The following FRMD4B variants were observed in gnomAD, a reference collection of about 807,000 sequenced individuals.
The protein encoded by FRMD4B is FERM domain-containing protein 4B.
Under a neutral mutation model 141.5 loss-of-function variants are expected in FRMD4B, and 74 were observed. The observed-to-expected ratio is 0.52, with a 90% confidence interval of 0.43 to 0.63. The LOEUF (loss-of-function observed/expected upper bound fraction) is 0.63. Among genes scored for constraint, FRMD4B ranks in the 30% least tolerant of loss-of-function variants. The probability of loss-of-function intolerance (pLI) is 0.00; values close to 1 mark genes in which losing one functional copy is unlikely to be tolerated. For missense variants in FRMD4B, 1,366 were observed against 1,253.4 expected, an observed-to-expected ratio of 1.09 and a Z score of -1.36; for synonymous variants, 506 against 467.9, an observed-to-expected ratio of 1.08 and a Z score of -1.05.
chr3:69,346,061 C>T (rs754904814), intron 1 of FRMD4B, among the ~76,000 whole-genome samples: 24 of 151,976 alleles, frequency 1.6e-4, no homozygotes, highest in Non-Finnish European at 2.4e-4. Context: ...TTGAACCCAT[C>T]GCAAAGAAGC....
intron 4 of FRMD4B, among the ~76,000 whole-genome samples, chr3:69,300,880 T>C (rs1575706980): frequency 6.6e-6 from 1 of 152,080 alleles, no homozygotes; most frequent in African/African-American, 2.4e-5. Flanking sequence ...GGATTACAGA[T>C]GCCCACCACC....
chr3:69,459,622 G>A (rs1193715322), intron 1 of FRMD4B, among the ~76,000 whole-genome samples: 1 of 152,132 alleles, frequency 6.6e-6, no homozygotes, highest in East Asian at 1.9e-4. Flanking sequence ...TTGAAATCTT[G>A]GCTTCACCAT....
At chr3:69,499,883 C>T (rs145477602) in intron 1 of FRMD4B, among the ~76,000 whole-genome samples, 14 of 152,330 alleles carry the variant, frequency 9.2e-5, no homozygotes, top group Admixed American at 3.3e-4. Flanking sequence ...CTGGCCTCTC[C>T]GGCCTTCCTG....
chr3:69,442,747 T>C (rs914767550), intron 1 of FRMD4B, among the ~76,000 whole-genome samples: 4 of 152,160 alleles, frequency 2.6e-5, no homozygotes, highest in African/African-American at 7.2e-5. Context: ...GTGCCTCCAC[T>C]GAAGCCCTGA....
At chr3:69,516,939 A>G (rs1006924286) in intron 1 of FRMD4B, among the ~76,000 whole-genome samples, 1 of 152,190 alleles carries the variant, frequency 6.6e-6, no homozygotes, top group Non-Finnish European at 1.5e-5. Context: ...TGCTGTGCCC[A>G]TATTTCTCTC....
intron 11 of FRMD4B, among the ~76,000 whole-genome samples, chr3:69,204,077 G>A (rs890486385): frequency 5.3e-5 from 8 of 152,114 alleles, no homozygotes; most frequent in South Asian, 4.1e-4. Flanking sequence ...TATCATGGAG[G>A]ACATAAATGG....
intron 4 of FRMD4B, among the ~76,000 whole-genome samples, chr3:69,298,820 C>G (rs1355404308): frequency 6.6e-6 from 1 of 152,136 alleles, no homozygotes; most frequent in Non-Finnish European, 1.5e-5. Flanking sequence ...TTTTCCTCCT[C>G]CCTAATGGAG....
intron 11 of FRMD4B, among the ~76,000 whole-genome samples, chr3:69,206,963 C>A (rs1575609149): frequency 6.6e-6 from 1 of 150,968 alleles, no homozygotes. Flanking sequence ...GCCTTGCTAC[C>A]AAAAAAAAGT....
intron 1 of FRMD4B, among the ~76,000 whole-genome samples, chr3:69,345,050 T>C (rs915486283): frequency 6.7e-6 from 1 of 149,844 alleles, no homozygotes; most frequent in African/African-American, 2.5e-5. Flanking sequence ...TCGCCTCACC[T>C]GGGAAGCACA....
intron 14 of FRMD4B, 60 bp from the exon 15 acceptor site, chr3:69,195,424 G>A (rs2092892488): frequency 2.1e-6 from 3 of 1,399,396 alleles, no homozygotes; most frequent in Admixed American, 2.6e-5. Context: ...TCCTTTCTAA[G>A]GGACAAAGGA....
At chr3:69,278,080 T>C (rs186486425) in intron 5 of FRMD4B, among the ~76,000 whole-genome samples, 1 of 152,020 alleles carries the variant, frequency 6.6e-6, no homozygotes, top group African/African-American at 2.4e-5. Context: ...GGTCTCGAAC[T>C]CCTGTCCTTG....
intron 11 of FRMD4B, among the ~76,000 whole-genome samples, chr3:69,203,481 G>A (rs1231278960): frequency 6.6e-6 from 1 of 152,130 alleles, no homozygotes; most frequent in Non-Finnish European, 1.5e-5. Context: ...TATTTCTTGA[G>A]TGCCGTGTAT....
intron 7 of FRMD4B, among the ~76,000 whole-genome samples, chr3:69,240,427 G>A (rs2093373769): frequency 7.7e-6 from 1 of 129,878 alleles, no homozygotes; most frequent in South Asian, 2.4e-4. Context: ...GTTGCAGTGA[G>A]CCAAGATAGC....
At chr3:69,258,602 A>G (rs1160418888) in intron 5 of FRMD4B, among the ~76,000 whole-genome samples, 1 of 152,154 alleles carries the variant, frequency 6.6e-6, no homozygotes, top group Non-Finnish European at 1.5e-5. Context: ...TTGCAAATGC[A>G]TATTATTTAC....
chr3:69,271,355 T>C (rs1244771496), intron 5 of FRMD4B, among the ~76,000 whole-genome samples: 2 of 152,232 alleles, frequency 1.3e-5, no homozygotes, highest in Non-Finnish European at 2.9e-5. Context: ...TCCTCTGCTT[T>C]ATGACTATGT....
chr3:69,439,721 T>C (rs1049697808), intron 1 of FRMD4B, among the ~76,000 whole-genome samples: 1 of 152,234 alleles, frequency 6.6e-6, no homozygotes, highest in Admixed American at 6.5e-5. Flanking sequence ...GAGTGCCTGT[T>C]TACCTCAATT....
At chr3:69,380,587 A>C (rs1215673710) in intron 1 of FRMD4B, among the ~76,000 whole-genome samples, 1 of 152,162 alleles carries the variant, frequency 6.6e-6, no homozygotes, top group Non-Finnish European at 1.5e-5. Flanking sequence ...GGAGGAAATG[A>C]AGTTCAGAGA....
In FRMD4B at chr3:69,289,580, G is replaced by A. The variant is rs549597797; in HGVS notation, c.417-1744C>T. Among the ~76,000 whole-genome samples the A allele has an allele frequency of 5.9e-5, 9 of 152,262 alleles. 1 individual carries two copies. The South Asian group carries it at 1.7e-3, about 28-fold the overall frequency. ...GGAGGCCGAGGCGGGCAGATCACTT[G>A]AAGTCAGGAGTTCCAGACCATCCTG... On this transcript the variant is annotated intron_variant, in intron 4 of 22. Transcript: ENST00000398540.
chr3:69,535,785 G>A (rs1701075736), intron 1 of FRMD4B: 5 of 473,380 alleles, frequency 1.1e-5, no homozygotes, highest in Middle Eastern at 4.0e-4. Flanking sequence ...TGGACCCACT[G>A]CCCTTAGCAG....
Sources: allele counts gnomAD v4.1 joint callset (sites outside exome capture counted in the v4.1 genomes callset), GRCh38; gene constraint gnomAD v4.1.1; transcripts MANE v1.5; gene names NCBI Gene and HGNC (gene_info 2026-07-23, HGNC 2026-07-21).